Variants in GTF3C3 observed in about 807,000 individuals in gnomAD.
GTF3C3 encodes general transcription factor IIIC subunit 3.
In GTF3C3, 75 loss-of-function variants were observed where a neutral mutation model predicts 105.2. That is an observed-to-expected ratio of 0.71 (90% CI 0.59 to 0.86). The LOEUF is 0.86. Among genes scored for constraint, GTF3C3 ranks in the 40% least tolerant of loss-of-function variants. The pLI, the probability that GTF3C3 is intolerant of heterozygous loss-of-function variation, is 0.00. For synonymous variants in GTF3C3, 335 were observed against 370.4 expected, an observed-to-expected ratio of 0.90 and a Z score of 1.10; for missense variants, 856 against 1,076.5, an observed-to-expected ratio of 0.80 and a Z score of 2.87.
intron 13 of GTF3C3, among the ~76,000 whole-genome samples, chr2:196,774,479 A>G (rs1699228594): frequency 6.6e-6 from 1 of 152,214 alleles, no homozygotes; most frequent in Non-Finnish European, 1.5e-5. Context: ...CTATCCTGGT[A>G]CACCAGTGTA....
chr2:196,794,670 G>C (rs1489111586), intron 2 of GTF3C3, among the ~76,000 whole-genome samples: 1 of 152,094 alleles, frequency 6.6e-6, no homozygotes, highest in African/African-American at 2.4e-5. Context: ...CCCGACCTCA[G>C]GTGATCCACC....
chr2:196,796,398 G>A (rs1269206146), intron 2 of GTF3C3, among the ~76,000 whole-genome samples: 1 of 152,180 alleles, frequency 6.6e-6, no homozygotes, highest in Non-Finnish European at 1.5e-5. Context: ...ACTTGTGCCT[G>A]CTGCTATAGT....
chr2:196,776,672 T>G lies in GTF3C3; in HGVS notation c.1391-43A>C, dbSNP rs781592028. The G allele has an allele frequency of 2.9e-6, 4 of 1,390,968 alleles. No homozygotes were observed. In the Admixed American group the frequency reaches 7.2e-5, roughly 25 times the overall value. 86.2% of individuals were successfully genotyped at this position (1,390,968 alleles called of 1,614,324 possible). On this transcript the variant is annotated intron_variant, in intron 10 of 17. Transcript: ENST00000263956. This position sits in a 1 kb window ranked among gnomAD's most constrained non-coding sequence, Gnocchi z 4.5. ...TAAAGCAAAAGTATGAACTACAGAT[T>G]TGTAAACTGGCCACAATTACTCTTC...
intron 2 of GTF3C3, 67 bp downstream of exon 2, chr2:196,797,730 T>C (rs1023665533): frequency 2.2e-5 from 20 of 907,272 alleles, no homozygotes; most frequent in Admixed American, 1.9e-4. Flanking sequence ...AAATACAATG[T>C]TTCACTAAAT....
intron 17 of GTF3C3, among the ~76,000 whole-genome samples, chr2:196,765,528 T>C (rs944969237): frequency 6.6e-6 from 1 of 150,718 alleles, no homozygotes; most frequent in African/African-American, 2.4e-5. Flanking sequence ...TTTATACATA[T>C]AAAAATATAT....
Position 196,775,137 on chromosome 2 carries a change from A to G in GTF3C3, c.1810T>C (p.Ser604Pro). Residue 604 changes from serine to proline, a missense_variant, in exon 13 of 18, where the codon TCA becomes CCA. Transcript: ENST00000263956. ...TTACCTTTTGCATCACAATTTGCTGACTCTTGGTCATTGCTGTCTGATATT... is the reference window on the plus strand; with the variant it reads ...TTACCTTTTGCATCACAATTTGCTGGCTCTTGGTCATTGCTGTCTGATATT... ...DKISDSNDQESANCDAKAIFA... is the reference protein window; with the variant it reads ...DKISDSNDQEPANCDAKAIFA... The G allele has an allele frequency of 1.2e-6, 2 of 1,611,580 alleles. No homozygotes were observed. Among genetic ancestry groups the G allele is most frequent in the Non-Finnish European group, 8.5e-7 (1 of 1,178,844 alleles).
At chr2:196,785,003 G>A in intron 7 of GTF3C3, 74 bp from the exon 8 acceptor site, 3 of 987,672 alleles carry the variant, frequency 3.0e-6, no homozygotes, top group Non-Finnish European at 4.6e-6. Flanking sequence ...GATTTGTACA[G>A]TTATTTCAAA....
chr2:196,774,326 A>G (rs1699226280), intron 13 of GTF3C3, among the ~76,000 whole-genome samples: 1 of 152,256 alleles, frequency 6.6e-6, no homozygotes, highest in Non-Finnish European at 1.5e-5. Flanking sequence ...AAATTATGGA[A>G]CCACTATCCA....
intron 6 of GTF3C3, among the ~76,000 whole-genome samples, chr2:196,787,589 G>C (rs1184307870): frequency 6.6e-6 from 1 of 152,048 alleles, no homozygotes; most frequent in Non-Finnish European, 1.5e-5. Flanking sequence ...CCATAATACA[G>C]AGAATTATGT....
intron 8 of GTF3C3, among the ~76,000 whole-genome samples, chr2:196,781,755 C>A (rs551710432): frequency 1.8e-4 from 28 of 151,996 alleles, no homozygotes; most frequent in African/African-American, 6.8e-4. Context: ...TATCAGAAAT[C>A]CAATTAATAT....
chr2:196,789,360 T>C lies in GTF3C3; in HGVS notation c.737A>G (p.Tyr246Cys). The change falls in exon 6 of 18, where the codon TAT becomes TGT. Residue 246 changes from tyrosine (Y) to cysteine (C), a missense_variant. Coordinates refer to ENST00000263956, the MANE Select transcript of GTF3C3 (RefSeq NM_012086.5). ...AIFCYTKALK[Y>C]EPTNVRYLWE... is the part of the protein sequence containing the mutation. ...CAGATAACGGACATTAGTAGGTTCATATTTAAGAGCTAAAAAGAAAGAAAT... is the reference window on the plus strand; with the variant it reads ...CAGATAACGGACATTAGTAGGTTCACATTTAAGAGCTAAAAAGAAAGAAAT... The C allele has an allele frequency of 1.3e-6, 2 of 1,592,548 alleles. No homozygotes were observed. Among genetic ancestry groups the C allele is most frequent in the Non-Finnish European group, 1.7e-6 (2 of 1,171,294 alleles).
At chr2:196,782,637 T>C (rs1279484623) in intron 8 of GTF3C3, among the ~76,000 whole-genome samples, 1 of 147,374 alleles carries the variant, frequency 6.8e-6, no homozygotes, top group Non-Finnish European at 1.5e-5. Flanking sequence ...AAAAAAAAAA[T>C]AGGTGTCACA....
chr2:196,773,080 G>A lies in GTF3C3; in HGVS notation c.1905C>T (p.Ser635=), dbSNP rs1388945022. 1.9e-6 allele frequency: 3 copies of A among 1,612,834 alleles called. No homozygotes were observed. The highest frequency in any genetic ancestry group is 2.2e-5 in the East Asian group (1 of 44,870). ...CTTGAAATCGGGATAGGTCACATAAGGAGTATATGGCCTTCAACAGAAGAT... is the reference window on the plus strand; with the variant it reads ...CTTGAAATCGGGATAGGTCACATAAAGAGTATATGGCCTTCAACAGAAGAT... ...WWNLLLKAIY[S]LCDLSRFQEA... Residue 635 remains serine (S), a synonymous_variant, in exon 14 of 18, where the codon TCC becomes TCT. Transcript: ENST00000263956.
rs1360499009 is a variant in GTF3C3, at chr2:196,799,501, T to C, written c.102+9A>G. 11 of 1,608,420 alleles carry C rather than the reference T, an allele frequency of 6.8e-6. No homozygotes were observed. In the Middle Eastern group the frequency reaches 6.6e-4, roughly 96 times the overall value. On this transcript the variant is annotated intron_variant, in intron 1 of 17. Transcript: ENST00000263956. The stretch of plus-strand genomic sequence containing the variant: ...GAGTGAAGGGCACCGTGGCCTAGCA[T>C]CGCCTCACTTTCTTCTCGCGGGTTT...
At chr2:196,791,682 T>C in intron 3 of GTF3C3, 1 of 400,590 alleles carries the variant, frequency 2.5e-6, no homozygotes, top group Non-Finnish European at 4.6e-6. Context: ...ATTCTTGTAA[T>C]CCCAGCACTT....
chr2:196,779,749 C>G (rs1699315232), intron 9 of GTF3C3, among the ~76,000 whole-genome samples: 1 of 152,108 alleles, frequency 6.6e-6, no homozygotes, highest in Admixed American at 6.6e-5. Flanking sequence ...GTTTTTGAGA[C>G]AGGGTCTGCA....
chr2:196,789,721 G>A (rs897729244), intron 5 of GTF3C3, among the ~76,000 whole-genome samples, 158 bp downstream of exon 5: 4 of 152,044 alleles, frequency 2.6e-5, no homozygotes, highest in African/African-American at 7.2e-5. Context: ...TGATAAACAT[G>A]AGAACAGAGG....
chr2:196,782,592 A>T (rs902820290), intron 8 of GTF3C3, among the ~76,000 whole-genome samples: 6 of 152,148 alleles, frequency 3.9e-5, no homozygotes, highest in African/African-American at 1.4e-4. Context: ...AGCTGAAAAT[A>T]AAAGGACAAA....
chr2:196,781,365 TATATATATATATATATATATATAA>T (rs1699357281), intron 8 of GTF3C3, among the ~76,000 whole-genome samples: 1 of 88,982 alleles, frequency 1.1e-5, no homozygotes, highest in African/African-American at 4.4e-5. Context: ...AAAATATATA[TATATATATATATATATATATATAA>T]AATTAAATAA....
Sources: gnomAD v4.1 joint callset for allele counts (sites outside exome capture counted in the v4.1 genomes callset) on GRCh38, gnomAD v4.1.1 for gene constraint, Gnocchi (gnomAD v3.1) non-coding constraint, MANE v1.5 for transcripts, NCBI Gene and HGNC (gene_info 2026-07-23, HGNC 2026-07-21) for gene names.